Variants in DDAH1 observed in about 807,000 individuals in gnomAD.
The protein encoded by DDAH1 is N(G),N(G)-dimethylarginine dimethylaminohydrolase 1.
A neutral mutation model predicts 28.8 loss-of-function variants in DDAH1; 19 were observed. That is an observed-to-expected ratio of 0.66 (90% CI 0.46 to 0.97). DDAH1 has a LOEUF of 0.97. Ranked by LOEUF, DDAH1 falls within the 50% of genes least tolerant of loss-of-function variation. The probability of loss-of-function intolerance (pLI) is 0.00; values close to 1 mark genes in which losing one functional copy is unlikely to be tolerated. For missense variants in DDAH1, 326 were observed against 375.9 expected, an observed-to-expected ratio of 0.87 and a Z score of 1.10; for synonymous variants, 153 against 154.4, an observed-to-expected ratio of 0.99 and a Z score of 0.07.
intron 1 of DDAH1, among the ~76,000 whole-genome samples, chr1:85,544,194 G>A (rs116635648): frequency 0.02 from 2,997 of 152,228 alleles, 89 homozygotes; most frequent in African/African-American, 0.068. Flanking sequence ...TGTAGAATAA[G>A]CAAATGAAAA....
intron 1 of DDAH1, among the ~76,000 whole-genome samples, chr1:85,432,515 T>C (rs1653734024): frequency 6.6e-6 from 1 of 152,208 alleles, no homozygotes; most frequent in Non-Finnish European, 1.5e-5. Context: ...TTTCCTGGAA[T>C]GGTCAGCTTT....
intron 1 of DDAH1, among the ~76,000 whole-genome samples, chr1:85,503,472 G>C (rs933014280): frequency 1.3e-5 from 2 of 152,122 alleles, no homozygotes; most frequent in African/African-American, 4.8e-5. Context: ...AAAGTGCTGA[G>C]AATACAGGCA....
intron 4 of DDAH1, among the ~76,000 whole-genome samples, chr1:85,345,175 G>T (rs1648764867): frequency 6.6e-6 from 1 of 152,140 alleles, no homozygotes; most frequent in South Asian, 2.1e-4. Context: ...TTAACTATGT[G>T]CATGAAAGAA....
rs541810382 is a variant in DDAH1, at chr1:85,564,507, A to T, written c.-123+13477T>A. On this transcript the variant is annotated intron_variant, in intron 1 of 6. Coordinates refer to the DDAH1 transcript ENST00000426972. ...TTTCGTGAAAAATTTAAACTCACAG[A>T]TCCAAGAACACCAAGTGCAAGAAAC... Among the ~76,000 whole-genome samples the T allele has an allele frequency of 6.6e-5, 10 of 152,280 alleles. No homozygotes were observed. The South Asian group carries it at 1.7e-3, about 25-fold the overall frequency.
Position 85,322,518 on chromosome 1 carries a change from C to T in DDAH1, c.742-950G>A, listed in dbSNP as rs115399777. ...TCCTGTGCTTCTTTAGGAAGCACTG[C>T]GTTTCTTAAAATTCAGCACAGTGGT... On this transcript the variant is annotated intron_variant, in intron 5 of 5. Coordinates refer to ENST00000284031, the MANE Select transcript of DDAH1 (RefSeq NM_012137.4). 3.5e-3 allele frequency among the ~76,000 whole-genome samples: 529 copies of T among 152,294 alleles called. 3 individuals carry two copies. The highest frequency in any genetic ancestry group is 0.012 in the African/African-American group (505 of 41,552).
intron 1 of DDAH1, among the ~76,000 whole-genome samples, chr1:85,425,753 A>G (rs1653365064): frequency 6.6e-6 from 1 of 152,186 alleles, no homozygotes; most frequent in South Asian, 2.1e-4. Context: ...AAACAAGGAT[A>G]GCTTGTGGTC....
rs145992100 is a variant in DDAH1, at chr1:85,551,555, C to T, written c.-123+26429G>A. ...TTTCAACTTTCACTCCTTCTTGTAA[C>T]ATTTACTGATCACCTACTCCGTGCT... On this transcript the variant is annotated intron_variant, in intron 1 of 6. Coordinates refer to the DDAH1 transcript ENST00000426972. Among the ~76,000 whole-genome samples the T allele has an allele frequency of 7.9e-5, 12 of 152,312 alleles. No homozygotes were observed. In the East Asian group the frequency reaches 2.3e-3, roughly 29 times the overall value.
intron 1 of DDAH1, among the ~76,000 whole-genome samples, chr1:85,540,722 C>T (rs1469042807): frequency 1.3e-5 from 2 of 152,110 alleles, no homozygotes; most frequent in Non-Finnish European, 2.9e-5. Context: ...CTTTGGGAGG[C>T]TGAGGTGGGT....
chr1:85,341,977 A>G (rs1483719372), intron 4 of DDAH1, among the ~76,000 whole-genome samples: 1 of 152,144 alleles, frequency 6.6e-6, no homozygotes, highest in Non-Finnish European at 1.5e-5. Context: ...ACTTTTTGCC[A>G]AGTAGTTGTT....
upstream of DDAH1, among the ~76,000 whole-genome samples, chr1:85,465,614 C>A (rs1557663162): frequency 2.6e-5 from 4 of 152,194 alleles, no homozygotes. Flanking sequence ...GAGCTTAAAT[C>A]CCACGGGTCC....
chr1:85,379,219 T>C (rs1421171685), intron 1 of DDAH1, among the ~76,000 whole-genome samples: 1 of 152,208 alleles, frequency 6.6e-6, no homozygotes, highest in Admixed American at 6.5e-5. Flanking sequence ...ACTGAACCTC[T>C]TGTTAAAAGC....
intron 1 of DDAH1, among the ~76,000 whole-genome samples, chr1:85,365,337 C>T (rs1167385131): frequency 6.6e-6 from 1 of 152,148 alleles, no homozygotes; most frequent in Non-Finnish European, 1.5e-5. Context: ...AGATTATGTT[C>T]ACTATTATTT....
At chr1:85,451,566 C>G (rs1056156856) in intron 1 of DDAH1, among the ~76,000 whole-genome samples, 1 of 152,164 alleles carries the variant, frequency 6.6e-6, no homozygotes, top group African/African-American at 2.4e-5. Context: ...TAGCTGTCCC[C>G]TGCCAGTCCT....
Position 85,565,189 on chromosome 1 carries a change from G to A in DDAH1, c.-123+12795C>T, listed in dbSNP as rs149630904. ...TGTACTCCAGCCTAGGCAATGGAAC[G>A]AGACTCCGTTAAAAAAAAAATGCAT... On this transcript the variant is annotated intron_variant, in intron 1 of 6. Transcript: ENST00000426972. Among the ~76,000 whole-genome samples, 489 of 142,882 alleles carry A rather than the reference G, an allele frequency of 3.4e-3. 3 individuals carry two copies. Among genetic ancestry groups the A allele is most frequent in the African/African-American group, 0.012 (436 of 37,894 alleles). 93.7% of individuals were successfully genotyped at this position (142,882 alleles called of 152,430 possible).
intron 1 of DDAH1, among the ~76,000 whole-genome samples, chr1:85,505,674 G>A (rs2066357): frequency 0.25 from 37,550 of 152,064 alleles, 5,321 homozygotes; most frequent in Admixed American, 0.33. Flanking sequence ...TGTGCTAGAA[G>A]GGGAATCCTT....
upstream of DDAH1, among the ~76,000 whole-genome samples, chr1:85,468,980 G>A (rs980320442): frequency 5.9e-5 from 9 of 152,088 alleles, no homozygotes; most frequent in Non-Finnish European, 1.3e-4. Context: ...GATTTGGGTG[G>A]GGACACAGTC....
intron 1 of DDAH1, among the ~76,000 whole-genome samples, chr1:85,427,048 A>C (rs983675969): frequency 2.1e-4 from 32 of 152,132 alleles, no homozygotes; most frequent in African/African-American, 7.7e-4. Flanking sequence ...TTTTATACGA[A>C]GGCAAATAAG....
At chr1:85,324,520 C>T (rs903389682) in intron 5 of DDAH1, among the ~76,000 whole-genome samples, 4 of 152,000 alleles carry the variant, frequency 2.6e-5, no homozygotes, top group African/African-American at 4.8e-5. Flanking sequence ...CTTGAATACC[C>T]GGCATGATCA....
Position 85,399,964 on chromosome 1 carries a change from A to G in DDAH1, c.304-41117T>C, listed in dbSNP as rs191541610. The G allele has an allele frequency of 2.4e-4, 37 of 152,234 alleles. No homozygotes were observed. In the East Asian group the frequency reaches 7.0e-3, roughly 29 times the overall value. 9.4% of individuals were successfully genotyped at this position (152,234 alleles called of 1,614,324 possible). On this transcript the variant is annotated intron_variant, in intron 1 of 5. Transcript: ENST00000284031. ...TGCAATAAAGCCAACCGTGATCTTT[A>G]AAACTAAATCTATTGTAATTTTGTT...
Sources: gnomAD v4.1 joint callset for allele counts (sites outside exome capture counted in the v4.1 genomes callset) on GRCh38, gnomAD v4.1.1 for gene constraint, MANE v1.5 for transcripts, NCBI Gene and HGNC (gene_info 2026-07-23, HGNC 2026-07-21) for gene names.